Variants in FBN2 observed in about 807,000 individuals in gnomAD.
The protein encoded by FBN2 is fibrillin-2.
FBN2 carries 105 observed loss-of-function variants against 355.6 expected under a neutral mutation model. The observed-to-expected ratio is 0.30, with a 90% CI of 0.25 to 0.35. FBN2 has a LOEUF of 0.35. FBN2 is among the 10% of genes least tolerant of loss of function. FBN2 has a pLI of 1.00. For missense variants in FBN2, 3,280 were observed against 3,758.7 expected (o/e 0.87, Z 3.33); for synonymous variants, 1,350 against 1,301.2 (o/e 1.04, Z -0.81).
At chr5:128,403,574 A>C (rs985991364) in intron 8 of FBN2, among the ~76,000 whole-genome samples, 7 of 152,160 alleles carry the variant, frequency 4.6e-5, no homozygotes, top group Non-Finnish European at 8.8e-5. Flanking sequence ...CTATATAACA[A>C]TGTGCAAATT....
chr5:128,499,726 A>G (rs1198300926), intron 5 of FBN2, among the ~76,000 whole-genome samples: 1 of 152,194 alleles, frequency 6.6e-6, no homozygotes, highest in Non-Finnish European at 1.5e-5. Context: ...GTAAATTGAC[A>G]CGCTCAAGAA....
intron 8 of FBN2, among the ~76,000 whole-genome samples, chr5:128,399,910 T>A (rs1193012231): frequency 2.0e-5 from 3 of 150,588 alleles, no homozygotes; most frequent in East Asian, 2.0e-4. Flanking sequence ...GAGAAAAAAA[T>A]ACAAAAAAAG....
At chr5:128,291,106 C>A (rs953833965) in intron 49 of FBN2, among the ~76,000 whole-genome samples, 2 of 152,066 alleles carry the variant, frequency 1.3e-5, no homozygotes, top group African/African-American at 4.8e-5. Context: ...TAAGAAAATT[C>A]GAGAAATCAT....
At chr5:128,293,419 G>C (rs893294268) in intron 48 of FBN2, among the ~76,000 whole-genome samples, 11 of 152,036 alleles carry the variant, frequency 7.2e-5, no homozygotes, top group East Asian at 1.9e-4. Flanking sequence ...TTGAACCCAG[G>C]AGGTGGGGGT....
intron 28 of FBN2, 127 bp downstream of exon 28, chr5:128,335,861 T>C (rs1158649292): frequency 1.0e-6 from 1 of 996,030 alleles, no homozygotes; most frequent in Non-Finnish European, 1.5e-6. Context: ...AACTGAGATC[T>C]GCCCCTAGTC....
At chr5:128,269,572 C>T (rs1273097600) in intron 62 of FBN2, among the ~76,000 whole-genome samples, 1 of 152,042 alleles carries the variant, frequency 6.6e-6, no homozygotes, top group Non-Finnish European at 1.5e-5. Context: ...CACAAGCATT[C>T]CTATACACCA....
At chr5:128,516,374 C>CTTTTTTT (rs35226456) in intron 5 of FBN2, among the ~76,000 whole-genome samples, 2 of 145,364 alleles carry the variant, frequency 1.4e-5, no homozygotes, top group African/African-American at 2.5e-5. Flanking sequence ...CACAAGAACT[C>CTTTTTTT]TTTTTTTTTT....
chr5:128,290,020 A>G lies in FBN2; in HGVS notation c.6446-73T>C, dbSNP rs968591151. Reference sequence around the variant, plus strand: ...CAAAGAACTTAAGAAAGGATGAACAATATACATGAAATTACACTTAATTAT... The same window carrying G: ...CAAAGAACTTAAGAAAGGATGAACAGTATACATGAAATTACACTTAATTAT... On this transcript the variant is annotated intron_variant, in intron 50 of 64. Coordinates refer to ENST00000262464, the MANE Select transcript of FBN2 (RefSeq NM_001999.4). 4 of 839,204 alleles carry G rather than the reference A, an allele frequency of 4.8e-6. No homozygotes were observed. The East Asian group carries it at 1.0e-4, about 21-fold the overall frequency. 52.0% of individuals were successfully genotyped at this position (839,204 alleles called of 1,614,324 possible).
intron 18 of FBN2, among the ~76,000 whole-genome samples, chr5:128,363,373 T>C (rs752995840): frequency 7.2e-5 from 11 of 152,104 alleles, no homozygotes; most frequent in Non-Finnish European, 1.5e-4. Flanking sequence ...TATTTTTTAG[T>C]AGAGGGGGGT....
intron 15 of FBN2, among the ~76,000 whole-genome samples, chr5:128,371,509 A>ATCCTTCCTTCCTTCCT (rs55789200): frequency 3.9e-5 from 4 of 102,708 alleles, no homozygotes; most frequent in Non-Finnish European, 5.7e-5. Flanking sequence ...CCCTCCCTCC[A>ATCCTTCCTTCCTTCCT]TCCTTCCTTC....
At chr5:128,495,402 A>G (rs1755628820) in intron 5 of FBN2, among the ~76,000 whole-genome samples, 1 of 152,206 alleles carries the variant, frequency 6.6e-6, no homozygotes, top group Non-Finnish European at 1.5e-5. Flanking sequence ...TCAGAGAAAC[A>G]GCAGAAAACT....
At position 128,259,600 on chromosome 5, in the gene FBN2, G is replaced by C. The variant is rs767351602; in HGVS notation, c.8594C>G (p.Pro2865Arg). 6.2e-7 allele frequency: 1 copy of C among 1,613,978 alleles called. No individual in the cohort carries two copies. Among genetic ancestry groups the C allele is most frequent in the Non-Finnish European group, 8.5e-7 (1 of 1,180,002 alleles). Residue 2865 changes from proline (P) to arginine (R), a missense_variant, in exon 65 of 65, where the codon CCC (proline) becomes CGC (arginine). By Grantham distance (103) the Pro-to-Arg change is moderately radical. Around this residue, in one of 6 missense-constraint regions of FBN2, gnomAD observed 311 missense variants for 319.1 expected, o/e 0.97. Transcript: ENST00000262464. Reference protein sequence around the residue: ...YLHTAKKKLMPGTYTLEITSI... With the variant: ...YLHTAKKKLMRGTYTLEITSI... ...AGTGATTTCCAGTGTGTATGTGCCG[G>C]GCATGAGCTTCTTCTTGGCCGTGTG...
Position 128,326,399 on chromosome 5 carries a change from T to C in FBN2, c.4471+2297A>G, listed in dbSNP as rs377493130. 1.3e-5 allele frequency among the ~76,000 whole-genome samples: 2 copies of C among 152,218 alleles called. 1 individual carries two copies. The highest frequency in any genetic ancestry group is 4.1e-4 in the South Asian group (2 of 4,834). On this transcript the variant is annotated intron_variant, in intron 34 of 64. Transcript: ENST00000262464. The stretch of plus-strand genomic sequence containing the variant: ...ATAGAAAATGGTCTGTATGTAGGTC[T>C]GTTCCATTTAATGGAGTCCTCTCTC...
At chr5:128,309,448 T>G in intron 40 of FBN2, 49 bp from the exon 41 acceptor site, 23 of 1,538,940 alleles carry the variant, frequency 1.5e-5, no homozygotes, top group Non-Finnish European at 1.9e-5. Flanking sequence ...CACGAGTAGT[T>G]TATAATGAAG....
Position 128,512,040 on chromosome 5 carries a change from C to G in FBN2, c.628+7233G>C, listed in dbSNP as rs149842970. 2.2e-3 allele frequency among the ~76,000 whole-genome samples: 341 copies of G among 152,264 alleles called. 2 individuals carry two copies. The highest frequency in any genetic ancestry group is 7.7e-3 in the African/African-American group (321 of 41,538). ...CATGTCAAAACAAGATAAGTAGGGT[C>G]TAATTCAACTGCATAAAAACAAGGT... On this transcript the variant is annotated intron_variant, in intron 5 of 64. Transcript: ENST00000262464.
rs558653929 is a variant in FBN2 at position 128,361,651 on chromosome 5, T to C, written c.2554+72A>G. On this transcript the variant is annotated intron_variant, in intron 19 of 64. Transcript: ENST00000262464. The stretch of plus-strand genomic sequence containing the variant: ...ATATTCTTTTCACTACATTGCTTCA[T>C]CACTGTAATTGATGTTTATACAACT... The C allele has an allele frequency of 2.0e-6, 3 of 1,507,516 alleles. No individual in the cohort carries two copies. In the South Asian group the frequency reaches 3.4e-5, roughly 17 times the overall value. 93.4% of individuals were successfully genotyped at this position (1,507,516 alleles called of 1,614,324 possible).
At position 128,273,796 on chromosome 5, in the gene FBN2, GTTTA is replaced by G. The variant is rs768878063; in HGVS notation, c.7840+40_7840+43del. On this transcript the variant is annotated intron_variant, in intron 61 of 64. Coordinates refer to ENST00000262464, the MANE Select transcript of FBN2 (RefSeq NM_001999.4). ...GTCTTGGAAGTTAAAAATATATATG[GTTTA>G]CTGTTATTAGATTAAGAATTTTTGA... The G allele has an allele frequency of 3.8e-6, 6 of 1,586,908 alleles. No individual in the cohort carries two copies. In the Admixed American group the frequency reaches 8.3e-5, roughly 22 times the overall value.
Position 128,330,714 on chromosome 5 carries a change from A to C in FBN2, c.4223-19T>G, listed in dbSNP as rs768387069. On this transcript the variant is annotated intron_variant, in intron 32 of 64. Transcript: ENST00000262464. ...TCCAGATCTGCAGAACACAGCAATA[A>C]AGTTCAGAAATGAAAATGGAACATT... 1 of 1,613,668 alleles carries C rather than the reference A, an allele frequency of 6.2e-7. No individual in the cohort carries two copies. The highest frequency in any genetic ancestry group is 8.5e-7 in the Non-Finnish European group (1 of 1,179,600).
chr5:128,320,807 C>G (rs1490891409), intron 34 of FBN2, among the ~76,000 whole-genome samples: 1 of 151,864 alleles, frequency 6.6e-6, no homozygotes, highest in Non-Finnish European at 1.5e-5. Context: ...TTTTAAAATA[C>G]TTTTCTAATG....
Sources: gnomAD v4.1 joint callset for allele counts (sites outside exome capture counted in the v4.1 genomes callset) on GRCh38, gnomAD v4.1.1 for gene constraint, gnomAD v4.1.1 regional missense constraint, MANE v1.5 for transcripts, NCBI Gene and HGNC (gene_info 2026-07-23, HGNC 2026-07-21) for gene names.